Variants in NRXN1 observed in about 807,000 individuals in gnomAD.
The protein encoded by NRXN1 is neurexin-1.
A neutral mutation model predicts 150.9 loss-of-function variants in NRXN1; 39 were observed. The ratio of observed to expected loss-of-function variants is 0.26; its 90% CI spans 0.20 to 0.34. The LOEUF (loss-of-function observed/expected upper bound fraction) is 0.34, where lower values mean the gene tolerates loss of function less well. Among genes scored for constraint, NRXN1 ranks in the 10% least tolerant of loss-of-function variants. The probability of loss-of-function intolerance (pLI) is 1.00; values close to 1 mark genes in which losing one functional copy is unlikely to be tolerated. For synonymous variants in NRXN1, 924 were observed against 757.0 expected (o/e 1.22, Z -3.62); for missense variants, 1,815 against 1,949.9 (o/e 0.93, Z 1.30).
intron 18 of NRXN1, among the ~76,000 whole-genome samples, chr2:50,164,359 A>T (rs2059547049): frequency 6.6e-6 from 1 of 152,190 alleles, no homozygotes; most frequent in South Asian, 2.1e-4. Flanking sequence ...TCTTTTGCAT[A>T]AGATACACAA....
At chr2:50,188,633 T>C (rs1250920332) in intron 18 of NRXN1, among the ~76,000 whole-genome samples, 1 of 151,242 alleles carries the variant, frequency 6.6e-6, no homozygotes, top group Non-Finnish European at 1.5e-5. Context: ...AGCTGACAAA[T>C]AGCTAATATC....
In NRXN1 at chr2:50,552,905, G is replaced by A. The variant is rs1225074090; in HGVS notation, c.1441C>T (p.Pro481Ser). ...FKCENVATLD[P>S]ITFETPESFI... is the part of the protein sequence containing the mutation. Reference sequence around the variant, plus strand: ...GACTCTGGGGTTTCAAAGGTGATTGGGTCTAAAGTTGCAACATTCTCACAT... The same window carrying A: ...GACTCTGGGGTTTCAAAGGTGATTGAGTCTAAAGTTGCAACATTCTCACAT... The change falls in exon 9 of 23, where the codon CCA becomes TCA. Residue 481 changes from proline (P) to serine (S), a missense_variant. Physicochemically the swap from Pro to Ser is moderately conservative, Grantham distance 74 (BLOSUM62 -1). Coordinates refer to ENST00000401669, the MANE Select transcript of NRXN1 (RefSeq NM_001330078.2). 6.2e-7 allele frequency: 1 copy of A among 1,613,726 alleles called. No individual in the cohort carries two copies. The highest frequency in any genetic ancestry group is 1.3e-5 in the African/African-American group (1 of 74,896).
intron 17 of NRXN1, among the ~76,000 whole-genome samples, chr2:50,450,719 C>G (rs1335164261): frequency 1.3e-5 from 2 of 152,134 alleles, no homozygotes; most frequent in Admixed American, 6.6e-5. Context: ...TCACTTTCCT[C>G]CAACTGCGTT....
chr2:50,641,807 GC>G (rs1684123022), intron 5 of NRXN1, among the ~76,000 whole-genome samples: 1 of 152,054 alleles, frequency 6.6e-6, no homozygotes, highest in Non-Finnish European at 1.5e-5. Context: ...CAGCAGAACA[GC>G]CACTCCAAGC....
At chr2:50,389,071 G>C (rs1409204112) in intron 17 of NRXN1, among the ~76,000 whole-genome samples, 2 of 151,968 alleles carry the variant, frequency 1.3e-5, no homozygotes, top group South Asian at 2.1e-4. Context: ...GGGAGGCTGA[G>C]GTGGGAAGAC....
At chr2:50,158,439 A>C (rs185446792) in intron 18 of NRXN1, among the ~76,000 whole-genome samples, 178 of 152,110 alleles carry the variant, frequency 1.2e-3, no homozygotes, top group African/African-American at 4.1e-3. Context: ...GAGAAATTAA[A>C]CTATGTTGGA....
chr2:50,669,210 G>C (rs1437274061), intron 5 of NRXN1, among the ~76,000 whole-genome samples: 1 of 151,906 alleles, frequency 6.6e-6, no homozygotes, highest in East Asian at 1.9e-4. Flanking sequence ...GTTCGACCCC[G>C]GTGACAGGCA....
At chr2:50,968,642 G>T (rs1179723775) in intron 2 of NRXN1, among the ~76,000 whole-genome samples, 1 of 151,850 alleles carries the variant, frequency 6.6e-6, no homozygotes, top group Non-Finnish European at 1.5e-5. Context: ...ATTCAGAAAT[G>T]CTGTATTATA....
At chr2:51,014,904 G>C (rs1230526378) in intron 2 of NRXN1, among the ~76,000 whole-genome samples, 1 of 151,998 alleles carries the variant, frequency 6.6e-6, no homozygotes, top group Admixed American at 6.6e-5. Flanking sequence ...GTTGTCAGTT[G>C]GCAGGAAAAA....
intron 5 of NRXN1, among the ~76,000 whole-genome samples, chr2:50,759,575 G>A (rs1198648175): frequency 6.6e-6 from 1 of 151,826 alleles, no homozygotes; most frequent in Non-Finnish European, 1.5e-5. Context: ...ATAAGAAAAA[G>A]CATTGAAAAT....
At chr2:50,898,604 T>A (rs750463728) in intron 5 of NRXN1, 2 of 488,126 alleles carry the variant, frequency 4.1e-6, no homozygotes, top group African/African-American at 3.9e-5. Context: ...TCAACTTTGC[T>A]GTAATATTCT....
chr2:50,591,407 G>GATAGATAGATAA (rs1674206657), intron 8 of NRXN1, among the ~76,000 whole-genome samples: 2 of 135,368 alleles, frequency 1.5e-5, no homozygotes, highest in Non-Finnish European at 3.4e-5. Flanking sequence ...TAGATAGATA[G>GATAGATAGATAA]ATAGATAGAT....
At chr2:50,330,813 C>G (rs2152984511) in intron 17 of NRXN1, among the ~76,000 whole-genome samples, 1 of 152,238 alleles carries the variant, frequency 6.6e-6, no homozygotes, top group Non-Finnish European at 1.5e-5. Flanking sequence ...TTAGGTTATT[C>G]TGCGTGTGGG....
intron 12 of NRXN1, among the ~76,000 whole-genome samples, chr2:50,526,385 G>C (rs1361017481): frequency 1.3e-5 from 2 of 152,180 alleles, no homozygotes; most frequent in Non-Finnish European, 2.9e-5. Flanking sequence ...TATCGGCTGT[G>C]ATTTAATAAA....
At chr2:50,056,395 T>C (rs1451254020) in intron 19 of NRXN1, among the ~76,000 whole-genome samples, 2 of 152,160 alleles carry the variant, frequency 1.3e-5, no homozygotes, top group East Asian at 1.9e-4. Context: ...TCTGAATGTC[T>C]ATATGACTGA....
intron 8 of NRXN1, among the ~76,000 whole-genome samples, chr2:50,595,847 G>C (rs551969523): frequency 6.6e-6 from 1 of 152,288 alleles, no homozygotes; most frequent in South Asian, 2.1e-4. Flanking sequence ...AAGGAGAAGT[G>C]AGAACCAAAA....
intron 17 of NRXN1, among the ~76,000 whole-genome samples, chr2:50,259,440 T>A (rs1187829170): frequency 6.6e-6 from 1 of 151,868 alleles, no homozygotes; most frequent in Non-Finnish European, 1.5e-5. Context: ...TTAGCTACCT[T>A]CCTCCAGGTA....
intron 5 of NRXN1, among the ~76,000 whole-genome samples, chr2:50,711,357 CAG>C (rs1695123385): frequency 1.8e-5 from 2 of 113,210 alleles, no homozygotes; most frequent in Admixed American, 1.1e-4. Context: ...TTTTTTGAGA[CAG>C]AGTTTTGCTC....
At chr2:49,977,907 T>C (rs1433783516) in intron 21 of NRXN1, among the ~76,000 whole-genome samples, 1 of 152,162 alleles carries the variant, frequency 6.6e-6, no homozygotes, top group Admixed American at 6.5e-5. Flanking sequence ...GGCTCACCTG[T>C]AATCCCAGCA....
Sources: allele counts gnomAD v4.1 joint callset (sites outside exome capture counted in the v4.1 genomes callset), GRCh38; gene constraint gnomAD v4.1.1; transcripts MANE v1.5; gene names NCBI Gene and HGNC (gene_info 2026-07-23, HGNC 2026-07-21).